The following RBFOX1 variants were observed in gnomAD, a reference collection of about 807,000 sequenced individuals.
RBFOX1 encodes the protein RNA binding fox-1 homolog 1.
RBFOX1 carries 8 observed loss-of-function variants against 57.7 expected under a neutral mutation model. That is an observed-to-expected ratio of 0.14 (90% confidence interval 0.08 to 0.25). RBFOX1 has a LOEUF of 0.25. RBFOX1 is among the 10% of genes least tolerant of loss of function. RBFOX1 has a pLI of 1.00. For synonymous variants in RBFOX1, 326 were observed against 222.4 expected (o/e 1.47, Z -4.15); for missense variants, 611 against 548.5 (o/e 1.11, Z -1.14).
chr16:5,836,161 C>T (rs1201012950), intron 3 of RBFOX1, among the ~76,000 whole-genome samples: 4 of 152,144 alleles, frequency 2.6e-5, no homozygotes, highest in South Asian at 2.1e-4. Flanking sequence ...CTGCTGCTAC[C>T]GCCGCCAGCA....
At chr16:7,152,292 G>C (rs1193276515) in intron 4 of RBFOX1, among the ~76,000 whole-genome samples, 1 of 152,144 alleles carries the variant, frequency 6.6e-6, no homozygotes, top group Non-Finnish European at 1.5e-5. Flanking sequence ...TATTCTATCA[G>C]TGGAAAGAGA....
At chr16:5,618,334 T>G (rs1336094914) in intron 3 of RBFOX1, among the ~76,000 whole-genome samples, 2 of 99,018 alleles carry the variant, frequency 2.0e-5, no homozygotes, top group Non-Finnish European at 4.8e-5. Context: ...TGCAGATTTT[T>G]TTTTTTTGTG....
intron 1 of RBFOX1, among the ~76,000 whole-genome samples, chr16:6,210,383 A>G (rs988843347): frequency 3.5e-4 from 51 of 144,628 alleles, no homozygotes; most frequent in Non-Finnish European, 6.2e-4. Context: ...AAAAAAGAGA[A>G]AGGAAGGAAG....
intron 4 of RBFOX1, among the ~76,000 whole-genome samples, chr16:7,279,573 G>A (rs774971127): frequency 2.0e-5 from 3 of 152,124 alleles, no homozygotes; most frequent in Non-Finnish European, 4.4e-5. Flanking sequence ...CTATATTATA[G>A]CCAGGGCCAC....
chr16:5,664,064 G>GT lies in RBFOX1; in HGVS notation c.318+65104dup, dbSNP rs527271472. On this transcript the variant is annotated intron_variant, in intron 3 of 19. Transcript: ENST00000641259. ...CAGAGAGAGCACACTGTCTTCTCTC[G>GT]TAGAGACCCACCCTTCTCGGCAGCT... is the stretch of plus-strand genomic sequence containing the variant. 1.3e-3 allele frequency among the ~76,000 whole-genome samples: 202 copies of GT among 152,308 alleles called. 4 individuals carry two copies. The South Asian group carries it at 0.025, about 19-fold the overall frequency.
chr16:5,349,831 G>A (rs573738089), intron 1 of RBFOX1, among the ~76,000 whole-genome samples: 1 of 152,236 alleles, frequency 6.6e-6, no homozygotes, highest in South Asian at 2.1e-4. Flanking sequence ...GCCCTGCTCT[G>A]AGCTGAGGCC....
intron 2 of RBFOX1, among the ~76,000 whole-genome samples, chr16:6,588,618 C>T (rs146847864): frequency 8.5e-5 from 13 of 152,258 alleles, no homozygotes; most frequent in African/African-American, 2.6e-4. Context: ...TGCCACTGCA[C>T]TCCAGTCTGG....
chr16:5,455,935 G>C (rs766208170), intron 1 of RBFOX1, among the ~76,000 whole-genome samples: 3 of 152,052 alleles, frequency 2.0e-5, no homozygotes, highest in Non-Finnish European at 2.9e-5. Flanking sequence ...AAGGCTTCCA[G>C]TGTTTTTATC....
intron 2 of RBFOX1, among the ~76,000 whole-genome samples, chr16:6,559,654 A>G (rs2097153587): frequency 6.6e-6 from 1 of 152,186 alleles, no homozygotes; most frequent in Non-Finnish European, 1.5e-5. Context: ...ATGTGAATAT[A>G]TACCCACACA....
chr16:5,284,534 TTTTTC>T (rs2063344668), intron 1 of RBFOX1, among the ~76,000 whole-genome samples: 1 of 148,276 alleles, frequency 6.7e-6, no homozygotes, highest in Non-Finnish European at 1.5e-5. Flanking sequence ...TGGGAAATAT[TTTTTC>T]TTTTTTTTTT....
intron 4 of RBFOX1, among the ~76,000 whole-genome samples, chr16:7,450,201 C>G (rs73498345): frequency 0.028 from 4,283 of 151,976 alleles, 193 homozygotes; most frequent in African/African-American, 0.097. Context: ...CGAGATCATC[C>G]TGGCCAATGT....
At chr16:7,583,647 C>G (rs1484046421) in intron 6 of RBFOX1, among the ~76,000 whole-genome samples, 1 of 152,132 alleles carries the variant, frequency 6.6e-6, no homozygotes, top group Non-Finnish European at 1.5e-5. Flanking sequence ...ACACAACACC[C>G]TTGTTGATTC....
intron 4 of RBFOX1, among the ~76,000 whole-genome samples, chr16:7,248,807 A>T (rs192446301): frequency 6.6e-6 from 1 of 152,348 alleles, no homozygotes. Context: ...GCTATTTATA[A>T]CAGTTGCCTT....
At chr16:5,377,295 A>C (rs1409774428) in intron 1 of RBFOX1, among the ~76,000 whole-genome samples, 4 of 151,476 alleles carry the variant, frequency 2.6e-5, no homozygotes, top group Non-Finnish European at 5.9e-5. Flanking sequence ...CAGGATGCGG[A>C]GGGGTAGAGG....
At chr16:5,976,864 G>C (rs1054418822) in intron 4 of RBFOX1, among the ~76,000 whole-genome samples, 2 of 152,126 alleles carry the variant, frequency 1.3e-5, no homozygotes, top group African/African-American at 4.8e-5. Flanking sequence ...GCAAGACTCT[G>C]TCAATCAATG....
intron 2 of RBFOX1, among the ~76,000 whole-genome samples, chr16:6,420,766 C>T (rs802317): frequency 0.61 from 92,724 of 152,148 alleles, 29,312 homozygotes; most frequent in African/African-American, 0.79. Flanking sequence ...ACCAGAGAAA[C>T]GATTCTGAGA....
chr16:7,198,880 G>T (rs1301952426), intron 4 of RBFOX1, among the ~76,000 whole-genome samples: 1 of 152,180 alleles, frequency 6.6e-6, no homozygotes. Flanking sequence ...AAAATATAGT[G>T]TTGGTTCCCA....
intron 4 of RBFOX1, among the ~76,000 whole-genome samples, chr16:7,517,158 T>C (rs1272718008): frequency 2.0e-5 from 3 of 150,390 alleles, no homozygotes; most frequent in African/African-American, 4.9e-5. Context: ...TGTGTGTGTG[T>C]GTGTGTGTGT....
chr16:5,849,377 C>A (rs11642358), intron 3 of RBFOX1, among the ~76,000 whole-genome samples: 1 of 151,756 alleles, frequency 6.6e-6, no homozygotes, highest in Admixed American at 6.6e-5. Context: ...GGCCCTGCTT[C>A]CTCAAGGTGT....
Sources: allele counts gnomAD v4.1 joint callset (sites outside exome capture counted in the v4.1 genomes callset), GRCh38; gene constraint gnomAD v4.1.1; transcripts MANE v1.5; gene names NCBI Gene and HGNC (gene_info 2026-07-23, HGNC 2026-07-21).